KMT2C: variants seen among roughly 807,000 people sequenced by gnomAD.
KMT2C encodes the protein lysine methyltransferase 2C, also known as histone-lysine N-methyltransferase 2C.
Under a neutral mutation model 507.9 loss-of-function variants are expected in KMT2C, and 88 were observed. The ratio of observed to expected loss-of-function variants is 0.17; its 90% CI spans 0.15 to 0.21. KMT2C has a LOEUF of 0.21. Ranked by LOEUF, KMT2C falls within the 10% of genes least tolerant of loss-of-function variation. The probability of loss-of-function intolerance (pLI) is 1.00; values close to 1 mark genes in which losing one functional copy is unlikely to be tolerated. For missense variants in KMT2C, 4,954 were observed against 5,957.8 expected, an observed-to-expected ratio of 0.83 and a Z score of 5.55; for synonymous variants, 2,049 against 2,080.8, an observed-to-expected ratio of 0.98 and a Z score of 0.42.
chr7:152,154,237 G>A (rs752544870), intron 47 of KMT2C, 30 bp downstream of exon 47: 2 of 1,612,486 alleles, frequency 1.2e-6, no homozygotes, highest in Admixed American at 1.7e-5. Context: ...TAGTGTAAAG[G>A]GAAATAATAA....
chr7:152,170,436 T>C (rs933186488), intron 40 of KMT2C, among the ~76,000 whole-genome samples: 4 of 152,190 alleles, frequency 2.6e-5, no homozygotes, highest in Non-Finnish European at 4.4e-5. Context: ...ATTAAAAATA[T>C]AGCATATCTT....
chr7:152,139,869 C>T, intron 55 of KMT2C, 78 bp from the exon 56 acceptor site: 9 of 979,682 alleles, frequency 9.2e-6, no homozygotes, highest in South Asian at 1.5e-5. Context: ...AGGTTTCACC[C>T]TCGGGTCTTA....
At chr7:152,408,398 A>G (rs980095033) in intron 1 of KMT2C, among the ~76,000 whole-genome samples, 20 of 151,964 alleles carry the variant, frequency 1.3e-4, no homozygotes, top group African/African-American at 4.6e-4. Flanking sequence ...TACTGCTTCA[A>G]TATATTAAAA....
rs1250783144 is a variant in KMT2C, at chr7:152,187,256, G to A, written c.5008+6C>T. ...GTAAAACAGAAATAATATATTCATG[G>A]CTTACCAGGGAATTCTTCCTTTAAG... On this transcript the variant is annotated splice_donor_region_variant and intron_variant, in intron 33 of 58. Transcript: ENST00000262189. 1 of 1,605,714 alleles carries A rather than the reference G, an allele frequency of 6.2e-7. No individual in the cohort carries two copies. Among genetic ancestry groups the A allele is most frequent in the East Asian group, 2.2e-5 (1 of 44,828 alleles).
In KMT2C at chr7:152,194,137, TA is replaced by T; in HGVS notation, c.4541-10del. 1 of 1,569,226 alleles carries T rather than the reference TA, an allele frequency of 6.4e-7. No homozygotes were observed. Among genetic ancestry groups the T allele is most frequent in the Non-Finnish European group, 8.6e-7 (1 of 1,165,480 alleles). ...ATCTTTTCCGCCAAGCTCTAGGAGATAAAACAATAATAGTAACAAGATTAAA... is the reference window on the plus strand; with the variant it reads ...ATCTTTTCCGCCAAGCTCTAGGAGATAAACAATAATAGTAACAAGATTAAA... On this transcript the variant is annotated splice_polypyrimidine_tract_variant and intron_variant, in intron 30 of 58. Coordinates refer to ENST00000262189, the MANE Select transcript of KMT2C (RefSeq NM_170606.3).
At position 152,178,861 on chromosome 7, in the gene KMT2C, G is replaced by T. The variant is rs150507480; in HGVS notation, c.7443-851C>A. On this transcript the variant is annotated intron_variant, in intron 37 of 58. Coordinates refer to ENST00000262189, the MANE Select transcript of KMT2C (RefSeq NM_170606.3). Reference sequence around the variant, plus strand: ...TTATTATAACTAGGGCATAGGTTTGGCTTTGACTTTAGCCACTTTGAAAAA... The same window carrying T: ...TTATTATAACTAGGGCATAGGTTTGTCTTTGACTTTAGCCACTTTGAAAAA... 1.4e-4 allele frequency among the ~76,000 whole-genome samples: 21 copies of T among 152,252 alleles called. 1 individual carries two copies. In the East Asian group the frequency reaches 3.7e-3, roughly 27 times the overall value.
chr7:152,292,272 T>C (rs899688337), intron 6 of KMT2C, among the ~76,000 whole-genome samples: 1 of 152,226 alleles, frequency 6.6e-6, no homozygotes, highest in African/African-American at 2.4e-5. Context: ...ACATGATAGG[T>C]GGGTATGCAC....
rs1411720702 is a variant in KMT2C, at chr7:152,177,048, T to G, written c.8405A>C (p.Lys2802Thr). 6.2e-7 allele frequency: 1 copy of G among 1,612,584 alleles called. No individual in the cohort carries two copies. The highest frequency in any genetic ancestry group is 2.2e-5 in the East Asian group (1 of 44,884). The change falls in exon 38 of 59, where the codon AAA becomes ACA. Residue 2802 changes from lysine to threonine, a missense_variant. By Grantham distance (78) the Lys-to-Thr change is moderately conservative (BLOSUM62 -1). This residue lies in a region of KMT2C where 1,689 missense variants were observed against 1,654.3 expected (regional missense o/e 1.02). Coordinates refer to ENST00000262189, the MANE Select transcript of KMT2C (RefSeq NM_170606.3). ...ATGTTTATCAGAGAGAACCAGAGTTTTGTTTTCTTGTTCCTTTTTTTTTGG... is the reference window on the plus strand; with the variant it reads ...ATGTTTATCAGAGAGAACCAGAGTTGTGTTTTCTTGTTCCTTTTTTTTTGG... The part of the protein sequence containing the change: ...VEPKKKEQEN[K>T]TLVLSDKHSP...
intron 2 of KMT2C, among the ~76,000 whole-genome samples, chr7:152,356,543 T>C (rs1314473040): frequency 6.6e-6 from 1 of 151,450 alleles, no homozygotes; most frequent in East Asian, 1.9e-4. Context: ...GCCACTGCAC[T>C]CCAGCCTGGG....
At chr7:152,297,056 AGAGAGAGAGAGAGAGAGAGAGAGAGAG>A (rs2096517973) in intron 6 of KMT2C, among the ~76,000 whole-genome samples, 32 of 42,058 alleles carry the variant, frequency 7.6e-4, no homozygotes, top group South Asian at 4.6e-3. Context: ...AAAGAAAGAC[AGAGAGAGAGAGAGAGAGAGAGAGAGAG>A]AGAGAGAGAG....
At chr7:152,341,153 CT>C (rs2096988183) in intron 2 of KMT2C, among the ~76,000 whole-genome samples, 1 of 152,124 alleles carries the variant, frequency 6.6e-6, no homozygotes, top group South Asian at 2.1e-4. Context: ...ATGAAACTGT[CT>C]TGGACCCTCT....
In KMT2C at chr7:152,163,993, A is replaced by G. The variant is rs536525705; in HGVS notation, c.9751-167T>C. Among the ~76,000 whole-genome samples, 21 of 152,342 alleles carry G rather than the reference A, an allele frequency of 1.4e-4. No homozygotes were observed. In the South Asian group the frequency reaches 2.1e-3, roughly 15 times the overall value. ...AAAGTCACAAAAAAATTGAATTGAT[A>G]AGCCTTAACTAACAACTGTCAATCT... On this transcript the variant is annotated intron_variant, in intron 42 of 58. Coordinates refer to ENST00000262189, the MANE Select transcript of KMT2C (RefSeq NM_170606.3).
At chr7:152,202,231 A>C (rs2094166018) in intron 26 of KMT2C, among the ~76,000 whole-genome samples, 1 of 152,228 alleles carries the variant, frequency 6.6e-6, no homozygotes, top group Non-Finnish European at 1.5e-5. Flanking sequence ...GAAGAAATAG[A>C]GGCCAGGAAG....
intron 1 of KMT2C, among the ~76,000 whole-genome samples, chr7:152,425,772 C>T (rs1340882919): frequency 6.6e-6 from 1 of 151,932 alleles, no homozygotes; most frequent in African/African-American, 2.4e-5. Context: ...TGCTAGGCTC[C>T]ACTAAAAGAA....
chr7:152,307,190 A>AGAGGGAGG (rs1290726221), intron 6 of KMT2C, among the ~76,000 whole-genome samples: 1,088 of 98,198 alleles, frequency 0.011, 21 homozygotes, highest in Non-Finnish European at 0.019. Flanking sequence ...GAAGGAAAGA[A>AGAGGGAGG]GAGGGAGGAA....
rs2129118035 is a variant in KMT2C, at chr7:152,179,914, T to C, written c.7362A>G (p.Arg2454=). ...RSPVAPPLGP[R]YAVFPKDQRG... ...GCTGATCTTTTGGGAAAACAGCATA[T>C]CTAGGTCCTAAAGGAGGGGCAACAG... The change falls in exon 37 of 59, where the codon AGA becomes AGG. Residue 2454 remains arginine, a synonymous_variant. Transcript: ENST00000262189. 2 of 1,614,010 alleles carry C rather than the reference T, an allele frequency of 1.2e-6. No individual in the cohort carries two copies. The highest frequency in any genetic ancestry group is 1.7e-6 in the Non-Finnish European group (2 of 1,179,952).
chr7:152,243,006 A>G (rs2129160554), intron 14 of KMT2C, among the ~76,000 whole-genome samples: 1 of 152,350 alleles, frequency 6.6e-6, no homozygotes, highest in East Asian at 1.9e-4. Flanking sequence ...AAGAAACAAA[A>G]GAGTTTACAG....
intron 3 of KMT2C, among the ~76,000 whole-genome samples, chr7:152,321,203 C>T (rs2096770215): frequency 6.6e-6 from 1 of 151,692 alleles, no homozygotes; most frequent in South Asian, 2.1e-4. Flanking sequence ...CATTGCATAG[C>T]CTGGGCAACA....
At chr7:152,423,529 T>C (rs994635426) in intron 1 of KMT2C, among the ~76,000 whole-genome samples, 7 of 152,356 alleles carry the variant, frequency 4.6e-5, no homozygotes, top group East Asian at 3.9e-4. Flanking sequence ...ATTGGGACTT[T>C]AGTAGCCATC....
Sources: gnomAD v4.1 joint callset for allele counts (sites outside exome capture counted in the v4.1 genomes callset) on GRCh38, gnomAD v4.1.1 for gene constraint, gnomAD v4.1.1 regional missense constraint, MANE v1.5 for transcripts, NCBI Gene and HGNC (gene_info 2026-07-23, HGNC 2026-07-21) for gene names.